TG: variants seen among roughly 807,000 people sequenced by gnomAD.
TG encodes the protein thyroid hormones.
TG carries 270 observed loss-of-function variants against 324.7 expected under a neutral mutation model. That is an observed-to-expected ratio of 0.83 (90% confidence interval 0.75 to 0.92). The LOEUF (loss-of-function observed/expected upper bound fraction) is 0.92, where lower values mean the gene tolerates loss of function less well. TG is among the 40% of genes least tolerant of loss of function. The probability of loss-of-function intolerance (pLI) is 0.00; values close to 1 mark genes in which losing one functional copy is unlikely to be tolerated. For synonymous variants in TG, 1,401 were observed against 1,327.0 expected, an observed-to-expected ratio of 1.06 and a Z score of -1.21; for missense variants, 3,591 against 3,456.4, an observed-to-expected ratio of 1.04 and a Z score of -0.98.
At chr8:133,057,320 A>G (rs1841623730) in intron 41 of TG, among the ~76,000 whole-genome samples, 1 of 152,204 alleles carries the variant, frequency 6.6e-6, no homozygotes, top group South Asian at 2.1e-4. Flanking sequence ...TGTATTAAAA[A>G]ATCCTGTACT....
intron 40 of TG, among the ~76,000 whole-genome samples, chr8:133,029,231 TA>T (rs371401509): frequency 0.01 from 1,432 of 140,764 alleles, 28 homozygotes; most frequent in African/African-American, 0.028. Flanking sequence ...TCATTTTATT[TA>T]AAAAAAAAAA....
chr8:132,966,351 C>T (rs1406826456), intron 29 of TG, among the ~76,000 whole-genome samples: 1 of 152,154 alleles, frequency 6.6e-6, no homozygotes, highest in Non-Finnish European at 1.5e-5. Context: ...GCCTTCTGAA[C>T]TATTCCTGTC....
chr8:133,075,502 A>G (rs1318605301), intron 41 of TG, among the ~76,000 whole-genome samples: 1 of 152,242 alleles, frequency 6.6e-6, no homozygotes, highest in African/African-American at 2.4e-5. Context: ...TTGAATATAT[A>G]CTGCACAGTT....
intron 45 of TG, among the ~76,000 whole-genome samples, chr8:133,118,320 C>CTTTTTTTTTTTTTTTTTTTTTTT (rs34171048): frequency 1.1e-5 from 1 of 88,978 alleles, no homozygotes; most frequent in Admixed American, 1.4e-4. Flanking sequence ...CAGATTCTTC[C>CTTTTTTTTTTTTTTTTTTTTTTT]TTTTTTTTTT....
intron 41 of TG, chr8:133,075,989 T>C (rs1233167627): frequency 6.6e-6 from 1 of 152,156 alleles, no homozygotes; most frequent in Non-Finnish European, 1.5e-5. Context: ...AAATATTGCA[T>C]ATAAAATCTC....
intron 29 of TG, chr8:132,964,781 C>T: frequency 1.6e-6 from 1 of 636,518 alleles, no homozygotes; most frequent in Non-Finnish European, 2.8e-6. Flanking sequence ...GTGAGAATTC[C>T]ATGTGCCAGC....
rs771256923 is a variant in TG at position 132,929,124 on chromosome 8, C to T, written c.4748C>T (p.Ala1583Val). The change falls in exon 23 of 48, where the codon GCC (alanine) becomes GTC (valine). Residue 1583 changes from alanine to valine, a missense_variant. Physicochemically the swap from Ala to Val is moderately conservative, Grantham distance 64. Transcript: ENST00000220616. ...KVPESKVIFDANAPVAVRSKV... is the reference protein window; with the variant it reads ...KVPESKVIFDVNAPVAVRSKV... ...CCAGAATCAAAGGTGATCTTCGACG[C>T]CAATGCTCCTGTGGCTGTCAGATCC... 8.1e-6 allele frequency: 13 copies of T among 1,613,962 alleles called. No homozygotes were observed. The highest frequency in any genetic ancestry group is 3.3e-4 in the Middle Eastern group (2 of 6,034).
chr8:133,096,970 T>G (rs1848511209), intron 43 of TG, among the ~76,000 whole-genome samples: 1 of 152,198 alleles, frequency 6.6e-6, no homozygotes, highest in African/African-American at 2.4e-5. Flanking sequence ...CTCACTAGGA[T>G]GTGGCTAACC....
chr8:133,107,506 G>A (rs1849902932), intron 43 of TG, among the ~76,000 whole-genome samples: 1 of 152,154 alleles, frequency 6.6e-6, no homozygotes, highest in African/African-American at 2.4e-5. Context: ...TCACACGGTG[G>A]CCCCCACTCC....
intron 32 of TG, 130 bp downstream of exon 32, chr8:132,969,699 TC>T: frequency 2.8e-6 from 2 of 708,838 alleles, no homozygotes; most frequent in South Asian, 3.0e-5. Context: ...GATCACGAGG[TC>T]AAGAGATCAA....
Position 133,094,497 on chromosome 8 carries a change from C to G in TG, c.7240-547C>G, listed in dbSNP as rs145345240. 222 of 181,412 alleles carry G rather than the reference C, an allele frequency of 1.2e-3. 1 individual carries two copies. Among genetic ancestry groups the G allele is most frequent in the African/African-American group, 5.0e-3 (213 of 42,382 alleles). The allele number at this position is 181,412 out of a possible 1,614,324, so 11.2% of individuals were successfully genotyped here. ...CCTTGTGATCCGCCCACCTCAGCCT[C>G]CCAAAGTGAGAAACCAGTCATTTTA... On this transcript the variant is annotated intron_variant, in intron 41 of 47. Transcript: ENST00000220616.
chr8:133,013,775 G>C lies in TG; in HGVS notation c.6562+11G>C. 1 of 1,607,166 alleles carries C rather than the reference G, an allele frequency of 6.2e-7. No homozygotes were observed. The highest frequency in any genetic ancestry group is 1.1e-5 in the South Asian group (1 of 90,956). ...TCTACCGGAAGCCAGGTAAGCCCAA[G>C]CCTATGCCTTTGCAGCCATCCTGGG... On this transcript the variant is annotated intron_variant, in intron 37 of 47. Transcript: ENST00000220616.
chr8:133,025,855 A>G (rs1462003762), intron 40 of TG, among the ~76,000 whole-genome samples: 1 of 152,240 alleles, frequency 6.6e-6, no homozygotes, highest in Non-Finnish European at 1.5e-5. Context: ...GCATCTGAGC[A>G]GGATGGGGTC....
intron 37 of TG, among the ~76,000 whole-genome samples, chr8:133,017,198 G>A (rs1459769880): frequency 1.3e-5 from 2 of 151,638 alleles, no homozygotes; most frequent in African/African-American, 4.9e-5. Flanking sequence ...TCACTAATGA[G>A]ATGTAAATGT....
At chr8:132,994,403 G>A (rs945710092) in intron 35 of TG, among the ~76,000 whole-genome samples, 11 of 152,072 alleles carry the variant, frequency 7.2e-5, no homozygotes, top group African/African-American at 2.7e-4. Context: ...CCAAACACGC[G>A]GGGGAAATAT....
At chr8:132,916,163 C>A (rs1365130327) in intron 20 of TG, among the ~76,000 whole-genome samples, 1 of 152,104 alleles carries the variant, frequency 6.6e-6, no homozygotes, top group Non-Finnish European at 1.5e-5. Flanking sequence ...CATTGTGGAT[C>A]CTGGAGAAAG....
At chr8:133,102,784 T>A (rs1849427568) in intron 43 of TG, 2 of 524,546 alleles carry the variant, frequency 3.8e-6, no homozygotes, top group Admixed American at 5.9e-5. Context: ...TGCCTTCCCT[T>A]CCAAGCACAG....
chr8:133,094,946 G>A, intron 41 of TG, 98 bp from the exon 42 acceptor site: 3 of 1,558,246 alleles, frequency 1.9e-6, no homozygotes, highest in South Asian at 1.1e-5. Context: ...CAAGCTTGGA[G>A]GAAGGATGCA....
intron 20 of TG, among the ~76,000 whole-genome samples, chr8:132,913,699 C>T (rs183687863): frequency 2.6e-5 from 4 of 152,110 alleles, no homozygotes; most frequent in African/African-American, 7.2e-5. Flanking sequence ...TCTTGCCTCG[C>T]CTGTGAGTAG....
Sources: allele counts gnomAD v4.1 joint callset (sites outside exome capture counted in the v4.1 genomes callset), GRCh38; gene constraint gnomAD v4.1.1; transcripts MANE v1.5; gene names NCBI Gene and HGNC (gene_info 2026-07-23, HGNC 2026-07-21).